Variants in CCL28 observed in about 807,000 individuals in gnomAD.
CCL28 encodes C-C motif chemokine 28.
A neutral mutation model predicts 7.1 loss-of-function variants in CCL28; 4 were observed. The observed-to-expected ratio is 0.56, with a 90% CI of 0.28 to 1.29. The LOEUF is 1.29. Among genes scored for constraint, CCL28 ranks in the 50% most tolerant of loss-of-function variants. The probability of loss-of-function intolerance (pLI) is 0.11; values close to 1 mark genes in which losing one functional copy is unlikely to be tolerated. For synonymous variants in CCL28, 55 were observed against 57.8 expected, an observed-to-expected ratio of 0.95 and a Z score of 0.22; for missense variants, 151 against 163.4, an observed-to-expected ratio of 0.92 and a Z score of 0.41.
intron 1 of CCL28, among the ~76,000 whole-genome samples, chr5:43,390,684 G>A (rs1056241294): frequency 3.3e-5 from 5 of 152,218 alleles, no homozygotes; most frequent in Non-Finnish European, 4.4e-5. Flanking sequence ...CTGGGAGTAA[G>A]GGTTCTGATT....
At chr5:43,382,683 T>A (rs1740168084) in intron 2 of CCL28, among the ~76,000 whole-genome samples, 1 of 152,200 alleles carries the variant, frequency 6.6e-6, no homozygotes. Context: ...CTGAAACTAA[T>A]TTAAAACTTA....
the CCL28 span, among the ~76,000 whole-genome samples, chr5:43,362,013 T>C: frequency 2.6e-5 from 4 of 151,788 alleles, no homozygotes; most frequent in East Asian, 5.8e-4. Flanking sequence ...TTTAAAATAG[T>C]TTTTTTTAGT....
the CCL28 span, among the ~76,000 whole-genome samples, chr5:43,357,931 G>A: frequency 2.0e-5 from 3 of 152,204 alleles, no homozygotes; most frequent in South Asian, 2.1e-4. Context: ...CAAGGGTATT[G>A]TCCCAGCTGT....
chr5:43,360,561 G>A, the CCL28 span, among the ~76,000 whole-genome samples: 1 of 152,096 alleles, frequency 6.6e-6, no homozygotes, highest in Non-Finnish European at 1.5e-5. Flanking sequence ...TAAGGATAAT[G>A]GCCTCCAGCT....
the CCL28 span, among the ~76,000 whole-genome samples, chr5:43,366,856 A>C: frequency 1.3e-5 from 2 of 152,154 alleles, no homozygotes; most frequent in African/African-American, 4.8e-5. Context: ...AGAGAGGAGG[A>C]GTCTAGAGAG....
chr5:43,358,358 C>T, the CCL28 span, among the ~76,000 whole-genome samples: 1 of 152,066 alleles, frequency 6.6e-6, no homozygotes, highest in African/African-American at 2.4e-5. Context: ...AAAGCAAAAA[C>T]AGAGAACAAA....
chr5:43,392,057 G>C (rs753808955), intron 1 of CCL28, among the ~76,000 whole-genome samples: 14 of 152,046 alleles, frequency 9.2e-5, no homozygotes, highest in Non-Finnish European at 2.1e-4. Flanking sequence ...CTTACCTCAG[G>C]TTTCTGATTC....
Position 43,381,796 on chromosome 5 carries a change from C to T in CCL28, c.*64G>A, listed in dbSNP as rs981824202. On this transcript the variant is annotated 3_prime_UTR_variant, in exon 3 of 3. Transcript: ENST00000361115. ...CAATAAGGAGAATTCAGATGATAAA[C>T]TTACAACCAATCATGGCCAAGTCCA... The T allele has an allele frequency of 7.4e-7, 1 of 1,360,420 alleles. No individual in the cohort carries two copies. The highest frequency in any genetic ancestry group is 2.0e-5 in the Admixed American group (1 of 49,524). The allele number at this position is 1,360,420 out of a possible 1,614,324, so 84.3% of individuals were successfully genotyped here.
At chr5:43,407,536 A>G (rs189727493) in intron 1 of CCL28, among the ~76,000 whole-genome samples, 322 of 152,376 alleles carry the variant, frequency 2.1e-3, no homozygotes, top group African/African-American at 7.4e-3. Context: ...AAACCATGAA[A>G]ACCCTAGAAG....
the CCL28 span, among the ~76,000 whole-genome samples, chr5:43,367,824 C>T: frequency 1.4e-4 from 21 of 152,216 alleles, no homozygotes; most frequent in African/African-American, 4.3e-4. Context: ...CTATCTTGCC[C>T]GCAACTACCA....
At chr5:43,382,097 TATAA>T (rs1468727515) in intron 2 of CCL28, 45 bp from the exon 3 acceptor site, 2 of 1,550,622 alleles carry the variant, frequency 1.3e-6, no homozygotes, top group African/African-American at 2.7e-5. Flanking sequence ...ATAAAACATA[TATAA>T]ATAATCACTT....
chr5:43,402,887 C>G (rs772643040), intron 1 of CCL28, among the ~76,000 whole-genome samples: 9 of 152,324 alleles, frequency 5.9e-5, no homozygotes, highest in South Asian at 2.1e-4. Context: ...TTGGAGGGTC[C>G]CACACCCACA....
the CCL28 span, among the ~76,000 whole-genome samples, chr5:43,365,349 G>A: frequency 6.6e-6 from 1 of 152,056 alleles, no homozygotes; most frequent in Non-Finnish European, 1.5e-5. Context: ...TTTAATTGGG[G>A]CATTTAGCCC....
At chr5:43,368,431 A>G in the CCL28 span, among the ~76,000 whole-genome samples, 1 of 152,190 alleles carries the variant, frequency 6.6e-6, no homozygotes. Context: ...TTGGATGGTC[A>G]TGTGGCCATG....
chr5:43,385,915 A>T (rs1740315922), intron 2 of CCL28, among the ~76,000 whole-genome samples: 1 of 152,208 alleles, frequency 6.6e-6, no homozygotes, highest in African/African-American at 2.4e-5. Flanking sequence ...ACACCTGCTT[A>T]TCCCAAAGAA....
At chr5:43,388,315 T>G in intron 2 of CCL28, 35 bp downstream of exon 2, 1 of 1,612,030 alleles carries the variant, frequency 6.2e-7, no homozygotes, top group Non-Finnish European at 8.5e-7. Flanking sequence ...ATAATCACTG[T>G]GCAGGTTTAG....
At chr5:43,391,542 A>AAGG (rs1248847366) in intron 1 of CCL28, among the ~76,000 whole-genome samples, 1 of 152,248 alleles carries the variant, frequency 6.6e-6, no homozygotes, top group Non-Finnish European at 1.5e-5. Context: ...GAAACATTTC[A>AAGG]ACACAGAGGA....
chr5:43,401,860 G>A lies in CCL28; in HGVS notation c.64+10393C>T, dbSNP rs561609203. ...ATATTTTTCCTTGGCTAGCTGGAAC[G>A]TTGTTAAACTTTATCTACAGAAGAT... On this transcript the variant is annotated intron_variant, in intron 1 of 2. Transcript: ENST00000361115. 1.3e-4 allele frequency among the ~76,000 whole-genome samples: 20 copies of A among 152,264 alleles called. No homozygotes were observed. In the South Asian group the frequency reaches 3.7e-3, roughly 28 times the overall value.
the CCL28 span, among the ~76,000 whole-genome samples, chr5:43,368,479 C>T: frequency 1.3e-5 from 2 of 152,284 alleles, no homozygotes; most frequent in African/African-American, 2.4e-5. Flanking sequence ...AGGGGAGGTG[C>T]TATATGCAAC....
Sources: gnomAD v4.1 joint callset for allele counts (sites outside exome capture counted in the v4.1 genomes callset) on GRCh38, gnomAD v4.1.1 for gene constraint, MANE v1.5 for transcripts, NCBI Gene and HGNC (gene_info 2026-07-23, HGNC 2026-07-21) for gene names.